PCSK2: variants seen among roughly 807,000 people sequenced by gnomAD.
PCSK2 encodes proprotein convertase subtilisin/kexin type 2.
PCSK2 carries 14 observed loss-of-function variants against 69.7 expected under a neutral mutation model. The ratio of observed to expected loss-of-function variants is 0.20; its 90% confidence interval spans 0.13 to 0.31. The LOEUF (loss-of-function observed/expected upper bound fraction) is 0.31, where lower values mean the gene tolerates loss of function less well. PCSK2 is among the 10% of genes least tolerant of loss of function. The pLI is 1.00. For missense variants in PCSK2, 544 were observed against 842.5 expected (o/e 0.65, Z 4.39); for synonymous variants, 307 against 320.7 (o/e 0.96, Z 0.46).
At chr20:17,345,779 G>A (rs1990635136) in intron 2 of PCSK2, among the ~76,000 whole-genome samples, 1 of 152,072 alleles carries the variant, frequency 6.6e-6, no homozygotes, top group African/African-American at 2.4e-5. Context: ...TTAGCATTCA[G>A]GAGAGTCATG....
At chr20:17,382,844 C>T (rs1406584604) in intron 5 of PCSK2, among the ~76,000 whole-genome samples, 4 of 152,184 alleles carry the variant, frequency 2.6e-5, no homozygotes, top group East Asian at 3.9e-4. Context: ...TGCTTACTCA[C>T]GATGAACCAG....
chr20:17,226,825 C>G (rs1297898643), upstream of PCSK2, among the ~76,000 whole-genome samples: 1 of 144,420 alleles, frequency 6.9e-6, no homozygotes, highest in East Asian at 2.1e-4. Context: ...CTGCGCTGCG[C>G]CCCCAGAAGG....
At chr20:17,479,796 CAAAAAAAAAAAAA>C (rs5840770) in intron 11 of PCSK2, among the ~76,000 whole-genome samples, 2 of 89,768 alleles carry the variant, frequency 2.2e-5, no homozygotes, top group African/African-American at 4.0e-5. Context: ...GACTCCGTCT[CAAAAAAAAAAAAA>C]AAAAAAAAAA....
chr20:17,363,846 T>C (rs558455127), intron 4 of PCSK2, among the ~76,000 whole-genome samples: 11 of 152,368 alleles, frequency 7.2e-5, no homozygotes, highest in African/African-American at 2.4e-4. Flanking sequence ...CTAAGGTTGG[T>C]ATTATTATAA....
intron 2 of PCSK2, among the ~76,000 whole-genome samples, chr20:17,295,809 G>C (rs957586337): frequency 6.6e-6 from 1 of 152,090 alleles, no homozygotes; most frequent in East Asian, 1.9e-4. Flanking sequence ...TCCTGCCCCA[G>C]TCTTTCAAAG....
At position 17,474,859 on chromosome 20, in the gene PCSK2, G is replaced by T. The variant is rs114670240; in HGVS notation, c.1431-6725G>T. Among the ~76,000 whole-genome samples the T allele has an allele frequency of 3.2e-3, 492 of 152,176 alleles. 5 individuals are homozygous for T. Among genetic ancestry groups the T allele is most frequent in the African/African-American group, 0.011 (474 of 41,518 alleles). On this transcript the variant is annotated intron_variant, in intron 11 of 11. Transcript: ENST00000262545. Reference sequence around the variant, plus strand: ...AAGTGAGGTGACTGAGCCCACAGATGGAATGAGGCCCATATTCTGTATCAC... The same window carrying T: ...AAGTGAGGTGACTGAGCCCACAGATTGAATGAGGCCCATATTCTGTATCAC...
intron 2 of PCSK2, among the ~76,000 whole-genome samples, chr20:17,272,285 G>A (rs16998892): frequency 0.078 from 11,865 of 151,924 alleles, 589 homozygotes; most frequent in African/African-American, 0.13. Flanking sequence ...CTCACTTCCC[G>A]TATCTCCCAC....
intron 2 of PCSK2, among the ~76,000 whole-genome samples, chr20:17,292,502 C>T (rs1347120594): frequency 6.6e-6 from 1 of 152,114 alleles, no homozygotes; most frequent in African/African-American, 2.4e-5. Flanking sequence ...AGCTAATTGA[C>T]TCAATATCAC....
chr20:17,460,340 G>C (rs1258489237), intron 10 of PCSK2, among the ~76,000 whole-genome samples: 6 of 152,184 alleles, frequency 3.9e-5, no homozygotes, highest in African/African-American at 1.4e-4. Context: ...TTTCCAAGGA[G>C]CCCCACCCAG....
chr20:17,416,473 T>G (rs2032001542), intron 6 of PCSK2, among the ~76,000 whole-genome samples: 1 of 152,214 alleles, frequency 6.6e-6, no homozygotes, highest in Non-Finnish European at 1.5e-5. Flanking sequence ...CACAATGAGA[T>G]ACCATCTCAC....
chr20:17,387,519 C>T (rs2031267364), intron 5 of PCSK2, among the ~76,000 whole-genome samples: 1 of 152,122 alleles, frequency 6.6e-6, no homozygotes, highest in Non-Finnish European at 1.5e-5. Context: ...CTCAGTTCCT[C>T]CTTGCACGTA....
chr20:17,274,716 C>T (rs1393486317), intron 2 of PCSK2, among the ~76,000 whole-genome samples: 1 of 152,060 alleles, frequency 6.6e-6, no homozygotes, highest in Non-Finnish European at 1.5e-5. Flanking sequence ...TCATGTCTTT[C>T]CTGAATTCCT....
At chr20:17,243,199 G>A (rs1986648013) in intron 1 of PCSK2, among the ~76,000 whole-genome samples, 1 of 151,972 alleles carries the variant, frequency 6.6e-6, no homozygotes, top group Non-Finnish European at 1.5e-5. Context: ...TTCTTGTTTG[G>A]GTAATTTTTT....
intron 6 of PCSK2, among the ~76,000 whole-genome samples, chr20:17,409,961 T>C (rs557538346): frequency 6.6e-6 from 1 of 152,350 alleles, no homozygotes; most frequent in South Asian, 2.1e-4. Context: ...TAATTACATA[T>C]AAGAGATATG....
At chr20:17,319,780 C>T (rs1390451260) in intron 2 of PCSK2, among the ~76,000 whole-genome samples, 1 of 152,142 alleles carries the variant, frequency 6.6e-6, no homozygotes, top group African/African-American at 2.4e-5. Flanking sequence ...ACTCTAGGGA[C>T]TTTGAATCAT....
intron 2 of PCSK2, among the ~76,000 whole-genome samples, chr20:17,277,859 C>A (rs1383337397): frequency 4.6e-5 from 7 of 151,512 alleles, no homozygotes; most frequent in Admixed American, 1.3e-4. Flanking sequence ...CAATGAACTC[C>A]AACAAATTTA....
At chr20:17,274,434 G>A (rs955190088) in intron 2 of PCSK2, among the ~76,000 whole-genome samples, 2 of 152,180 alleles carry the variant, frequency 1.3e-5, no homozygotes, top group African/African-American at 4.8e-5. Flanking sequence ...GTAGAACGTG[G>A]TGGGAGTGAT....
intron 3 of PCSK2, among the ~76,000 whole-genome samples, chr20:17,359,779 T>C (rs940189906): frequency 1.3e-5 from 2 of 151,420 alleles, no homozygotes; most frequent in Non-Finnish European, 3.0e-5. Context: ...CTTTTGCCAG[T>C]ACAAGCTCTG....
At chr20:17,268,060 T>TATATATAA (rs1395373344) in intron 2 of PCSK2, among the ~76,000 whole-genome samples, 44 of 146,224 alleles carry the variant, frequency 3.0e-4, no homozygotes, top group African/African-American at 9.6e-4. Context: ...TATATATATA[T>TATATATAA]ATAATGCATT....
Sources: gnomAD v4.1 joint callset for allele counts (sites outside exome capture counted in the v4.1 genomes callset) on GRCh38, gnomAD v4.1.1 for gene constraint, MANE v1.5 for transcripts, NCBI Gene and HGNC (gene_info 2026-07-23, HGNC 2026-07-21) for gene names.